The following IQCM variants were observed in gnomAD, a reference collection of about 807,000 sequenced individuals.
The protein encoded by IQCM is IQ motif containing M.
IQCM carries 45 observed loss-of-function variants against 57.6 expected under a neutral mutation model. That is an observed-to-expected ratio of 0.78 (90% confidence interval 0.62 to 1.00). IQCM has a LOEUF of 1.00. IQCM is among the 50% of genes least tolerant of loss of function. The pLI, the probability that IQCM is intolerant of heterozygous loss-of-function variation, is 0.00. For synonymous variants in IQCM, 148 were observed against 158.9 expected (o/e 0.93, Z 0.51); for missense variants, 468 against 511.6 (o/e 0.91, Z 0.82).
chr4:149,709,373 C>G (rs902016020), intron 5 of IQCM, among the ~76,000 whole-genome samples: 2 of 152,058 alleles, frequency 1.3e-5, no homozygotes, highest in African/African-American at 4.8e-5. Flanking sequence ...TCTCTTTTTA[C>G]CAAAGCACTT....
chr4:149,525,678 T>C (rs777194207), intron 12 of IQCM, among the ~76,000 whole-genome samples: 9 of 151,894 alleles, frequency 5.9e-5, no homozygotes, highest in Admixed American at 3.3e-4. Context: ...AAAACATTAA[T>C]AGGTTCTATG....
chr4:149,413,351 G>A (rs2111183640), intron 13 of IQCM, among the ~76,000 whole-genome samples: 1 of 152,262 alleles, frequency 6.6e-6, no homozygotes, highest in South Asian at 2.1e-4. Context: ...AAGAAATCGG[G>A]TGGAGCCCAG....
At chr4:149,741,889 C>T (rs1767490463) in intron 3 of IQCM, among the ~76,000 whole-genome samples, 1 of 152,106 alleles carries the variant, frequency 6.6e-6, no homozygotes, top group Non-Finnish European at 1.5e-5. Context: ...AATAATTTTA[C>T]AATGTGTATA....
At chr4:149,731,089 C>A (rs1265966692) in intron 5 of IQCM, among the ~76,000 whole-genome samples, 1 of 152,168 alleles carries the variant, frequency 6.6e-6, no homozygotes, top group Non-Finnish European at 1.5e-5. Flanking sequence ...TCCCTTTCCC[C>A]ACTTGTCCAA....
At chr4:149,670,048 A>G (rs985681364) in intron 7 of IQCM, among the ~76,000 whole-genome samples, 2 of 152,166 alleles carry the variant, frequency 1.3e-5, no homozygotes, top group Non-Finnish European at 2.9e-5. Flanking sequence ...ATGGCATTGA[A>G]TCTATAAATT....
chr4:149,451,971 T>C (rs920979574), intron 12 of IQCM, among the ~76,000 whole-genome samples: 4 of 151,712 alleles, frequency 2.6e-5, no homozygotes, highest in African/African-American at 7.2e-5. Flanking sequence ...ATAAATCCTA[T>C]AAAATCTACA....
chr4:149,461,280 CAAACAGCTA>C (rs1310699709), intron 12 of IQCM, among the ~76,000 whole-genome samples: 5 of 149,992 alleles, frequency 3.3e-5, no homozygotes, highest in African/African-American at 1.2e-4. Context: ...TGTTTTACTC[CAAACAGCTA>C]AAGAGTCACA....
intron 7 of IQCM, among the ~76,000 whole-genome samples, chr4:149,672,852 A>G (rs1233991087): frequency 6.6e-6 from 1 of 152,154 alleles, no homozygotes; most frequent in Non-Finnish European, 1.5e-5. Context: ...GAAATGAAGG[A>G]AAAAATGTTA....
chr4:149,732,374 G>A (rs1042787000), intron 5 of IQCM, among the ~76,000 whole-genome samples: 4 of 152,088 alleles, frequency 2.6e-5, no homozygotes. Flanking sequence ...GTTCTAAAGA[G>A]ATCTCTTCTG....
Position 149,650,539 on chromosome 4 carries a change from C to T in IQCM, c.566-29295G>A, listed in dbSNP as rs151315699. On this transcript the variant is annotated intron_variant, in intron 7 of 13. Coordinates refer to ENST00000636793, the MANE Select transcript of IQCM (RefSeq NM_001363507.2). ...TCCCAAGTAGCTGGGATTACAAGTA[C>T]CTGCCATGCCTGGCTAATTTTTGTA... Among the ~76,000 whole-genome samples the T allele has an allele frequency of 2.3e-3, 352 of 151,874 alleles. 1 individual carries two copies. Among genetic ancestry groups the T allele is most frequent in the Admixed American group, 7.0e-3 (106 of 15,250 alleles).
intron 12 of IQCM, among the ~76,000 whole-genome samples, chr4:149,461,991 A>G (rs931993995): frequency 6.6e-5 from 10 of 152,174 alleles, no homozygotes; most frequent in African/African-American, 2.4e-4. Flanking sequence ...CCCCTATCCT[A>G]TCCTATAAAA....
At chr4:149,792,481 T>C (rs955558859) in intron 2 of IQCM, among the ~76,000 whole-genome samples, 1 of 152,172 alleles carries the variant, frequency 6.6e-6, no homozygotes, top group African/African-American at 2.4e-5. Context: ...TAAAGGGTCA[T>C]GTTATTTTTA....
At chr4:149,749,742 T>A (rs1021880742) in intron 2 of IQCM, among the ~76,000 whole-genome samples, 1 of 152,190 alleles carries the variant, frequency 6.6e-6, no homozygotes, top group African/African-American at 2.4e-5. Context: ...TATTAATGTT[T>A]CAATATAACC....
rs546853230 is a variant in IQCM, at chr4:149,449,457, A to G, written c.1229-15900T>C. ...AATCTCCCCTACTGACATCCTACTA[A>G]TATTTTATTATTCTCCACCAAAAAA... On this transcript the variant is annotated intron_variant, in intron 12 of 13. Coordinates refer to ENST00000636793, the MANE Select transcript of IQCM (RefSeq NM_001363507.2). Among the ~76,000 whole-genome samples, 3 of 147,752 alleles carry G rather than the reference A, an allele frequency of 2.0e-5. No individual in the cohort carries two copies. In the East Asian group the frequency reaches 5.9e-4, roughly 29 times the overall value.
At chr4:149,756,740 GA>G (rs1437738544) in intron 2 of IQCM, among the ~76,000 whole-genome samples, 2 of 152,132 alleles carry the variant, frequency 1.3e-5, no homozygotes, top group Non-Finnish European at 2.9e-5. Context: ...CAAGAAGGGG[GA>G]AAGAAGGCAC....
intron 12 of IQCM, among the ~76,000 whole-genome samples, chr4:149,517,114 G>GAAAAAAAAAA (rs34555374): frequency 1.2e-5 from 1 of 83,902 alleles, no homozygotes. Flanking sequence ...ACTCCACCAG[G>GAAAAAAAAAA]AAAAAAAAAA....
intron 11 of IQCM, among the ~76,000 whole-genome samples, chr4:149,552,680 C>A (rs2654804): frequency 0.21 from 32,481 of 152,064 alleles, 4,339 homozygotes; most frequent in Non-Finnish European, 0.29. Flanking sequence ...GGATTCCCTA[C>A]CTTCCCACTG....
At chr4:149,389,331 T>A (rs1731674154) in intron 13 of IQCM, among the ~76,000 whole-genome samples, 1 of 152,036 alleles carries the variant, frequency 6.6e-6, no homozygotes. Flanking sequence ...CTTAATCCCA[T>A]TCCATTTATT....
At chr4:149,504,467 C>A (rs1337928705) in intron 12 of IQCM, among the ~76,000 whole-genome samples, 2 of 152,062 alleles carry the variant, frequency 1.3e-5, no homozygotes, top group African/African-American at 4.8e-5. Flanking sequence ...CCAATCCCCA[C>A]CGCCCAGCCC....
Sources: allele counts gnomAD v4.1 joint callset (sites outside exome capture counted in the v4.1 genomes callset), GRCh38; gene constraint gnomAD v4.1.1; transcripts MANE v1.5; gene names NCBI Gene and HGNC (gene_info 2026-07-23, HGNC 2026-07-21).